The following CFAP54 variants were observed in gnomAD, a reference collection of about 807,000 sequenced individuals.
CFAP54 encodes cilia- and flagella-associated protein 54.
In CFAP54, 290 loss-of-function variants were observed where a neutral mutation model predicts 370.4. That is an observed-to-expected ratio of 0.78 (90% CI 0.71 to 0.86). The LOEUF (loss-of-function observed/expected upper bound fraction) is 0.86. CFAP54 is among the 40% of genes least tolerant of loss of function. The pLI, the probability that CFAP54 is intolerant of heterozygous loss-of-function variation, is 0.00. For synonymous variants in CFAP54, 1,206 were observed against 1,236.5 expected, an observed-to-expected ratio of 0.98 and a Z score of 0.52; for missense variants, 3,399 against 3,528.7, an observed-to-expected ratio of 0.96 and a Z score of 0.93.
chr12:96,752,640 A>G (rs1465721042), intron 55 of CFAP54, among the ~76,000 whole-genome samples: 1 of 152,192 alleles, frequency 6.6e-6, no homozygotes, highest in Non-Finnish European at 1.5e-5. Flanking sequence ...TTTAGCCTAG[A>G]CAGCCACATT....
intron 67 of CFAP54, among the ~76,000 whole-genome samples, chr12:96,874,585 T>TTGTTC (rs1412108192): frequency 6.6e-6 from 1 of 151,088 alleles, no homozygotes; most frequent in African/African-American, 2.4e-5. Context: ...TCAGGAACAA[T>TTGTTC]TGTTCTGTTC....
At chr12:96,615,837 G>A (rs1370146458) in intron 26 of CFAP54, among the ~76,000 whole-genome samples, 1 of 152,194 alleles carries the variant, frequency 6.6e-6, no homozygotes, top group Non-Finnish European at 1.5e-5. Context: ...CAGTTAGAAT[G>A]GTGATCATTA....
chr12:96,851,941 A>G (rs1402596952), intron 66 of CFAP54, among the ~76,000 whole-genome samples: 3 of 152,220 alleles, frequency 2.0e-5, no homozygotes, highest in East Asian at 1.9e-4. Flanking sequence ...GAAAGCTTTC[A>G]TTATTCACAG....
At chr12:96,549,834 T>C (rs574659513) in intron 15 of CFAP54, among the ~76,000 whole-genome samples, 1 of 152,322 alleles carries the variant, frequency 6.6e-6, no homozygotes, top group Non-Finnish European at 1.5e-5. Flanking sequence ...TTAGGGTTTT[T>C]AGACTCACTG....
chr12:96,790,470 C>G lies in CFAP54; in HGVS notation c.8680-1859C>G, dbSNP rs368833232. Among the ~76,000 whole-genome samples the G allele has an allele frequency of 3.0e-4, 45 of 152,028 alleles. No homozygotes were observed. The South Asian group carries it at 8.3e-3, about 28-fold the overall frequency. Reference sequence around the variant, plus strand: ...TATTAAATACCTATTTTGATATTGACTTATGTTTATAATTTATCATTATTA... The same window carrying G: ...TATTAAATACCTATTTTGATATTGAGTTATGTTTATAATTTATCATTATTA... On this transcript the variant is annotated intron_variant, in intron 62 of 67. Transcript: ENST00000524981.
At chr12:96,788,675 A>C (rs76679900) in intron 62 of CFAP54, among the ~76,000 whole-genome samples, 1 of 147,332 alleles carries the variant, frequency 6.8e-6, no homozygotes, top group East Asian at 1.9e-4. Flanking sequence ...TTTTTTTTTT[A>C]AAAATCACTC....
In CFAP54 at chr12:96,534,104, A is replaced by G; in HGVS notation, c.1582A>G (p.Thr528Ala). 1.3e-6 allele frequency: 2 copies of G among 1,533,780 alleles called. No homozygotes were observed. Among genetic ancestry groups the G allele is most frequent in the Non-Finnish European group, 1.7e-6 (2 of 1,145,944 alleles). ...GTCAAAGAAAGCAGAGAAGGATTTA[A>G]CTCTTCTGATTGCAATGGAACCACT... ...PESKKAEKDL[T>A]LLIAMEPLIN... Residue 528 changes from threonine to alanine, a missense_variant, in exon 11 of 68, where the codon ACT (threonine) becomes GCT (alanine). Thr to Ala is a moderately conservative substitution (Grantham distance 58, BLOSUM62 0). Around this residue, in one of 3 missense-constraint regions of CFAP54, gnomAD observed 44 missense variants for 82.3 expected, o/e 0.53. Coordinates refer to ENST00000524981, the MANE Select transcript of CFAP54 (RefSeq NM_001306084.2).
chr12:96,671,003 G>A (rs1379250332), intron 39 of CFAP54, among the ~76,000 whole-genome samples: 2 of 152,020 alleles, frequency 1.3e-5, no homozygotes, highest in East Asian at 3.9e-4. Context: ...TTATTTAGAT[G>A]AAGTCTTGCT....
chr12:96,822,385 C>T (rs1175140546), intron 65 of CFAP54, among the ~76,000 whole-genome samples: 1 of 152,090 alleles, frequency 6.6e-6, no homozygotes, highest in East Asian at 1.9e-4. Context: ...GATTGTAAGA[C>T]TATTAAAATT....
Position 96,756,582 on chromosome 12 carries a change from G to T in CFAP54, c.7946+19G>T. ...ACTCAGGGTAAAAAGATATTCCATT[G>T]TTGTAGCTGTGTGTGTTTGGCTTGA... is the stretch of plus-strand genomic sequence containing the variant. On this transcript the variant is annotated intron_variant, in intron 57 of 67. Coordinates refer to ENST00000524981, the MANE Select transcript of CFAP54 (RefSeq NM_001306084.2). The T allele has an allele frequency of 1.3e-6, 2 of 1,504,990 alleles. No individual in the cohort carries two copies. Among genetic ancestry groups the T allele is most frequent in the Non-Finnish European group, 1.8e-6 (2 of 1,086,434 alleles). The allele number at this position is 1,504,990 out of a possible 1,614,324, so 93.2% of individuals were successfully genotyped here.
intron 9 of CFAP54, among the ~76,000 whole-genome samples, chr12:96,530,615 A>C (rs1565886353): frequency 6.6e-6 from 1 of 152,260 alleles, no homozygotes; most frequent in African/African-American, 2.4e-5. Flanking sequence ...TTTGGCTACT[A>C]GAAATAAAGC....
At chr12:96,667,691 C>T (rs560818625) in intron 39 of CFAP54, among the ~76,000 whole-genome samples, 11 of 152,290 alleles carry the variant, frequency 7.2e-5, no homozygotes, top group Admixed American at 4.6e-4. Context: ...GGGGCTGCTG[C>T]GAAGGTCTCT....
chr12:96,632,057 C>T (rs1433726697), intron 32 of CFAP54, among the ~76,000 whole-genome samples: 1 of 151,808 alleles, frequency 6.6e-6, no homozygotes, highest in Non-Finnish European at 1.5e-5. Context: ...GAAATTTTAT[C>T]TCATTGTTTC....
In CFAP54 at chr12:96,704,807, T is replaced by C. The variant is rs1316610389; in HGVS notation, c.6528+11T>C. The C allele has an allele frequency of 6.1e-6, 6 of 989,350 alleles. No individual in the cohort carries two copies. The highest frequency in any genetic ancestry group is 8.8e-6 in the Non-Finnish European group (6 of 682,242). 61.3% of individuals were successfully genotyped at this position (989,350 alleles called of 1,614,324 possible). ...AAAGAAAATATACAGGTAAGGATAATAATATTTTATAAACATGGTTTTCCT... is the reference window on the plus strand; with the variant it reads ...AAAGAAAATATACAGGTAAGGATAACAATATTTTATAAACATGGTTTTCCT... On this transcript the variant is annotated intron_variant, in intron 47 of 67. Coordinates refer to ENST00000524981, the MANE Select transcript of CFAP54 (RefSeq NM_001306084.2).
chr12:96,602,453 C>G (rs1466076447), intron 26 of CFAP54, among the ~76,000 whole-genome samples: 2 of 152,172 alleles, frequency 1.3e-5, no homozygotes, highest in African/African-American at 4.8e-5. Context: ...GTGGAGAGTT[C>G]TGTGGATGTC....
chr12:96,604,166 G>A (rs1297462065), intron 26 of CFAP54, among the ~76,000 whole-genome samples: 1 of 152,058 alleles, frequency 6.6e-6, no homozygotes, highest in East Asian at 1.9e-4. Flanking sequence ...TGTTGATGTT[G>A]ATGCTATTCC....
intron 64 of CFAP54, among the ~76,000 whole-genome samples, chr12:96,815,392 G>A (rs1958965102): frequency 8.1e-6 from 1 of 123,248 alleles, no homozygotes; most frequent in Admixed American, 8.0e-5. Context: ...CCTACTCTTT[G>A]ATGGGGTTGT....
chr12:96,626,847 A>G lies in CFAP54; in HGVS notation c.4011A>G (p.Glu1337=). 1 of 1,409,748 alleles carries G rather than the reference A, an allele frequency of 7.1e-7. No homozygotes were observed. The highest frequency in any genetic ancestry group is 9.4e-7 in the Non-Finnish European group (1 of 1,068,162). 87.3% of individuals were successfully genotyped at this position (1,409,748 alleles called of 1,614,324 possible). A position where few individuals can be genotyped will look rare whatever the true frequency, so the allele number is the denominator to read the frequency against. The change falls in exon 30 of 68, where the codon GAA becomes GAG. Residue 1337 remains glutamate (E), a synonymous_variant. Coordinates refer to ENST00000524981, the MANE Select transcript of CFAP54 (RefSeq NM_001306084.2). ...TTAAGCAAAAACCAAGATTTCTGGA[A>G]TTCTTTACACAAGTTATGCTAAAAT... is the stretch of plus-strand genomic sequence containing the variant. The part of the protein sequence containing the change: ...MKFKQKPRFL[E]FFTQVMLKCM...
chr12:96,614,560 G>T (rs539530018), intron 26 of CFAP54, among the ~76,000 whole-genome samples: 1 of 152,192 alleles, frequency 6.6e-6, no homozygotes, highest in Non-Finnish European at 1.5e-5. Flanking sequence ...ATTAGGAAAA[G>T]AGGAAGTCAA....
Sources: gnomAD v4.1 joint callset for allele counts (sites outside exome capture counted in the v4.1 genomes callset) on GRCh38, gnomAD v4.1.1 for gene constraint, gnomAD v4.1.1 regional missense constraint, MANE v1.5 for transcripts, NCBI Gene and HGNC (gene_info 2026-07-23, HGNC 2026-07-21) for gene names.